The following RANBP2 variants were observed in gnomAD, a reference collection of about 807,000 sequenced individuals.
RANBP2 encodes the protein RAN binding protein 2, also known as E3 SUMO-protein ligase RanBP2.
Under a neutral mutation model 303.6 loss-of-function variants are expected in RANBP2, and 57 were observed. That is an observed-to-expected ratio of 0.19 (90% CI 0.15 to 0.23). The LOEUF is 0.23. Ranked by LOEUF, RANBP2 falls within the 10% of genes least tolerant of loss-of-function variation. The pLI, the probability that RANBP2 is intolerant of heterozygous loss-of-function variation, is 1.00. For synonymous variants in RANBP2, 1,167 were observed against 1,301.5 expected, an observed-to-expected ratio of 0.90 and a Z score of 2.23; for missense variants, 3,138 against 3,780.8, an observed-to-expected ratio of 0.83 and a Z score of 4.46.
the RANBP2 span, among the ~76,000 whole-genome samples, chr2:108,857,724 A>T: frequency 1.2e-4 from 18 of 152,362 alleles, no homozygotes; most frequent in Admixed American, 1.2e-3. Context: ...TGTAAGGAGT[A>T]GAATGAAAAG....
At chr2:109,668,899 A>G in the RANBP2 span, among the ~76,000 whole-genome samples, 2 of 152,188 alleles carry the variant, frequency 1.3e-5, no homozygotes, top group African/African-American at 4.8e-5. Context: ...TTCTTAGCCA[A>G]TGTTCTTGCA....
the RANBP2 span, among the ~76,000 whole-genome samples, chr2:109,402,730 A>G: frequency 1.3e-5 from 2 of 152,300 alleles, no homozygotes; most frequent in African/African-American, 4.8e-5. Flanking sequence ...TGAAGTGTAC[A>G]AGGCTGGTCA....
the RANBP2 span, among the ~76,000 whole-genome samples, chr2:109,218,836 A>AAC: frequency 6.6e-6 from 1 of 152,170 alleles, no homozygotes; most frequent in African/African-American, 2.4e-5. Context: ...TGATTAATCA[A>AAC]ACACACACAC....
chr2:109,026,691 A>G, the RANBP2 span, among the ~76,000 whole-genome samples: 3 of 152,352 alleles, frequency 2.0e-5, no homozygotes, highest in East Asian at 5.8e-4. Flanking sequence ...GAAAAAGCTC[A>G]AAATGATCTT....
At chr2:108,876,201 T>A in the RANBP2 span, 4 of 1,613,284 alleles carry the variant, frequency 2.5e-6, no homozygotes, top group Non-Finnish European at 3.4e-6. Context: ...TCAACTCTGT[T>A]CAATCTGGGT....
the RANBP2 span, among the ~76,000 whole-genome samples, chr2:108,908,949 G>T: frequency 6.6e-6 from 1 of 152,132 alleles, no homozygotes; most frequent in Non-Finnish European, 1.5e-5. Context: ...TCACAAGGAG[G>T]TGGTAGGACC....
chr2:108,996,979 T>G, the RANBP2 span, among the ~76,000 whole-genome samples: 1 of 152,158 alleles, frequency 6.6e-6, no homozygotes, highest in Non-Finnish European at 1.5e-5. Context: ...TAGCATCTAC[T>G]CACATGCCTC....
the RANBP2 span, among the ~76,000 whole-genome samples, chr2:109,433,834 C>G: frequency 0.061 from 9,364 of 152,274 alleles, 941 homozygotes; most frequent in African/African-American, 0.21. Context: ...AGGTGATGCT[C>G]AGCAGGGAAA....
intron 1 of RANBP2, among the ~76,000 whole-genome samples, chr2:108,727,160 G>A (rs1209662137): frequency 6.6e-6 from 1 of 152,150 alleles, no homozygotes; most frequent in East Asian, 1.9e-4. Flanking sequence ...ACACCTCCCA[G>A]ACGGGGTGGT....
At chr2:108,719,973 C>T (rs1356780508) in intron 1 of RANBP2, 2 of 984,952 alleles carry the variant, frequency 2.0e-6, no homozygotes, top group Non-Finnish European at 1.2e-6. Flanking sequence ...GGCTTTCTGG[C>T]CGATCGCGCA....
At chr2:109,287,629 G>T in the RANBP2 span, among the ~76,000 whole-genome samples, 1 of 152,156 alleles carries the variant, frequency 6.6e-6, no homozygotes, top group Non-Finnish European at 1.5e-5. Context: ...TGTCCAATGG[G>T]AGGCGGGAGG....
At chr2:109,736,476 C>T in the RANBP2 span, among the ~76,000 whole-genome samples, 2 of 152,290 alleles carry the variant, frequency 1.3e-5, no homozygotes, top group East Asian at 3.9e-4. Flanking sequence ...AAACACATTA[C>T]TTACACATTA....
the RANBP2 span, among the ~76,000 whole-genome samples, chr2:109,422,571 GTC>G: frequency 6.6e-6 from 1 of 151,674 alleles, no homozygotes; most frequent in African/African-American, 2.4e-5. Flanking sequence ...CTGCAGAGAC[GTC>G]TCTCATTCCT....
chr2:109,097,757 G>GTGTGTT, the RANBP2 span, among the ~76,000 whole-genome samples: 1 of 151,610 alleles, frequency 6.6e-6, no homozygotes, highest in African/African-American at 2.4e-5. Context: ...GTGTGTGTGT[G>GTGTGTT]TGTGTGTGTG....
the RANBP2 span, among the ~76,000 whole-genome samples, chr2:109,422,634 C>T: frequency 4.6e-5 from 7 of 152,286 alleles, no homozygotes; most frequent in South Asian, 1.2e-3. Context: ...GTCCGCCATT[C>T]CTCTGGCAGA....
the RANBP2 span, among the ~76,000 whole-genome samples, chr2:109,637,674 A>G: frequency 6.6e-6 from 1 of 152,334 alleles, no homozygotes. Context: ...GATTTCATAC[A>G]ACACATGTTT....
the RANBP2 span, among the ~76,000 whole-genome samples, chr2:109,440,624 A>G: frequency 6.6e-6 from 1 of 152,262 alleles, no homozygotes; most frequent in Non-Finnish European, 1.5e-5. Context: ...TCAAGACACC[A>G]GACAACCAAG....
chr2:109,420,671 T>G, the RANBP2 span, among the ~76,000 whole-genome samples: 2 of 152,162 alleles, frequency 1.3e-5, no homozygotes, highest in Non-Finnish European at 2.9e-5. Flanking sequence ...GGTCTCGATC[T>G]CCTGATCTCG....
At chr2:108,988,323 G>C in the RANBP2 span, among the ~76,000 whole-genome samples, 1 of 152,288 alleles carries the variant, frequency 6.6e-6, no homozygotes, top group South Asian at 2.1e-4. Context: ...AATCAGAGCC[G>C]ACTCCTGTCT....
Sources: gnomAD v4.1 joint callset for allele counts (sites outside exome capture counted in the v4.1 genomes callset) on GRCh38, gnomAD v4.1.1 for gene constraint, MANE v1.5 for transcripts, NCBI Gene and HGNC (gene_info 2026-07-23, HGNC 2026-07-21) for gene names.